ITPR1: variants seen among roughly 807,000 people sequenced by gnomAD.
ITPR1 encodes the protein inositol 1,4,5-trisphosphate receptor type 1.
A neutral mutation model predicts 318.4 loss-of-function variants in ITPR1; 96 were observed. The ratio of observed to expected loss-of-function variants is 0.30; its 90% CI spans 0.26 to 0.36. The LOEUF is 0.36. ITPR1 is among the 10% of genes least tolerant of loss of function. ITPR1 has a pLI of 1.00. For synonymous variants in ITPR1, 1,312 were observed against 1,289.9 expected, an observed-to-expected ratio of 1.02 and a Z score of -0.37; for missense variants, 2,440 against 3,460.2, an observed-to-expected ratio of 0.71 and a Z score of 7.40.
intron 5 of ITPR1, among the ~76,000 whole-genome samples, chr3:4,631,605 A>G (rs2125135011): frequency 6.6e-6 from 1 of 152,196 alleles, no homozygotes; most frequent in Admixed American, 6.5e-5. Context: ...TATGGCATTC[A>G]GGATTGTTGT....
chr3:4,567,443 T>C (rs964234375), intron 4 of ITPR1, among the ~76,000 whole-genome samples: 5 of 152,136 alleles, frequency 3.3e-5, no homozygotes. Context: ...AAAGGAGACA[T>C]GTTGATAATG....
chr3:4,644,299 G>A, intron 8 of ITPR1, 65 bp downstream of exon 8: 1 of 1,039,024 alleles, frequency 9.6e-7, no homozygotes, highest in Non-Finnish European at 1.4e-6. Flanking sequence ...GCAGGCGCCA[G>A]TGCATGCGTG....
intron 59 of ITPR1, among the ~76,000 whole-genome samples, chr3:4,816,629 T>G (rs867480730): frequency 2.6e-5 from 4 of 152,344 alleles, no homozygotes; most frequent in Middle Eastern, 6.8e-3. Context: ...GCTCAGGCAA[T>G]CTGCCCGTTT....
chr3:4,743,747 G>C (rs12496244), intron 44 of ITPR1, among the ~76,000 whole-genome samples: 1 of 152,058 alleles, frequency 6.6e-6, no homozygotes, highest in Non-Finnish European at 1.5e-5. Flanking sequence ...GAGGGGGAAG[G>C]GGGAGGGGAA....
chr3:4,786,089 C>G (rs73003096), intron 51 of ITPR1, among the ~76,000 whole-genome samples: 14,163 of 152,294 alleles, frequency 0.093, 845 homozygotes, highest in Non-Finnish European at 0.14. Context: ...GTCTACTCCT[C>G]CTTTCCCTCC....
Position 4,652,943 on chromosome 3 carries a change from G to A in ITPR1, c.951+725G>A, listed in dbSNP as rs367832370. 2.4e-4 allele frequency among the ~76,000 whole-genome samples: 37 copies of A among 152,096 alleles called. 2 individuals are homozygous for A. Among genetic ancestry groups the A allele is most frequent in the Admixed American group, 2.1e-3 (32 of 15,280 alleles). ...GCAGAGGTTGCAGTGACCCGAGATCGCACCACTGCAGTCCAGCTTGGGTGA... is the reference window on the plus strand; with the variant it reads ...GCAGAGGTTGCAGTGACCCGAGATCACACCACTGCAGTCCAGCTTGGGTGA... On this transcript the variant is annotated intron_variant, in intron 11 of 61. Coordinates refer to ENST00000649015, the MANE Select transcript of ITPR1 (RefSeq NM_001378452.1).
In ITPR1 at chr3:4,806,126, A is replaced by C; in HGVS notation, c.7131A>C (p.Leu2377=). 1 of 1,613,864 alleles carries C rather than the reference A, an allele frequency of 6.2e-7. No individual in the cohort carries two copies. Among genetic ancestry groups the C allele is most frequent in the African/African-American group, 1.3e-5 (1 of 75,036 alleles). ...AFNVCNKIIF[L]MSFVGNCGTF... Reference sequence around the variant, plus strand: ...AGGTATGCAATAAAATCATCTTTCTAATGAGCTTTGTGGGCAACTGTGGGA... The same window carrying C: ...AGGTATGCAATAAAATCATCTTTCTCATGAGCTTTGTGGGCAACTGTGGGA... The change falls in exon 55 of 62, where the codon CTA becomes CTC. Residue 2377 remains leucine, a synonymous_variant. Coordinates refer to ENST00000649015, the MANE Select transcript of ITPR1 (RefSeq NM_001378452.1).
intron 4 of ITPR1, among the ~76,000 whole-genome samples, chr3:4,610,874 TTCCTC>T (rs2092032323): frequency 6.9e-6 from 1 of 144,996 alleles, no homozygotes; most frequent in South Asian, 2.4e-4. Flanking sequence ...TCCCTTTCCT[TTCCTC>T]TCTCTCCCCT....
chr3:4,582,142 T>C lies in ITPR1; in HGVS notation c.164-45621T>C, dbSNP rs536636383. 1.8e-4 allele frequency among the ~76,000 whole-genome samples: 28 copies of C among 152,256 alleles called. No homozygotes were observed. The East Asian group carries it at 3.5e-3, about 19-fold the overall frequency. Reference sequence around the variant, plus strand: ...TCAGTGTTGTTACCAAGAAGTGCATTTGCCAGTCTTATCAAACTGGCATCA... The same window carrying C: ...TCAGTGTTGTTACCAAGAAGTGCATCTGCCAGTCTTATCAAACTGGCATCA... On this transcript the variant is annotated intron_variant, in intron 4 of 61. Transcript: ENST00000649015.
intron 46 of ITPR1, among the ~76,000 whole-genome samples, chr3:4,773,819 C>A (rs898189296): frequency 6.6e-6 from 1 of 152,196 alleles, no homozygotes; most frequent in African/African-American, 2.4e-5. Flanking sequence ...ATCATCTGTT[C>A]TCCCTCCACC....
chr3:4,498,437 G>T (rs1214424040), intron 2 of ITPR1, among the ~76,000 whole-genome samples: 1 of 152,178 alleles, frequency 6.6e-6, no homozygotes, highest in Admixed American at 6.5e-5. Context: ...AAGGCCAGGG[G>T]AGAGTGCTAG....
chr3:4,725,740 C>T (rs372188383), intron 41 of ITPR1, among the ~76,000 whole-genome samples, 159 bp downstream of exon 41: 1 of 152,114 alleles, frequency 6.6e-6, no homozygotes, highest in Admixed American at 6.5e-5. Flanking sequence ...TCATTGCTGA[C>T]GTGGATGTGG....
rs4293683 is a variant in ITPR1, at chr3:4,646,036, T to C, written c.855+308T>C. 0.96 allele frequency: 261,961 copies of C among 271,982 alleles called. 126,682 individuals are homozygous for C. The highest frequency in any genetic ancestry group is 1 in the East Asian group (14,494 of 14,496). 16.8% of individuals were successfully genotyped at this position (271,982 alleles called of 1,614,324 possible). On this transcript the variant is annotated intron_variant, in intron 10 of 61. Transcript: ENST00000649015. Reference sequence around the variant, plus strand: ...AAAGAATAAGTACTTTGGAAACAAATTCAAAAACGAAATTAGAAATAGCTT... The same window carrying C: ...AAAGAATAAGTACTTTGGAAACAAACTCAAAAACGAAATTAGAAATAGCTT...
rs568326937 is a variant in ITPR1 at position 4,847,342 on chromosome 3, T to C, written c.*1117T>C. On this transcript the variant is annotated 3_prime_UTR_variant, in exon 62 of 62. Transcript: ENST00000649015. ...TGAAAAATATGAAAGGAAACTTTTA[T>C]ATCTGTTGCCTAGTTTTGTACATGG... 6.6e-6 allele frequency: 1 copy of C among 151,708 alleles called. No homozygotes were observed. The highest frequency in any genetic ancestry group is 2.1e-4 in the South Asian group (1 of 4,804). The allele number at this position is 151,708 out of a possible 1,614,324, so 9.4% of individuals were successfully genotyped here.
chr3:4,615,049 G>A (rs936401189), intron 4 of ITPR1, among the ~76,000 whole-genome samples: 2 of 152,190 alleles, frequency 1.3e-5, no homozygotes, highest in Non-Finnish European at 2.9e-5. Flanking sequence ...GCTTGGAATG[G>A]GGCCCAGGCA....
At chr3:4,507,925 A>G (rs1273256818) in intron 2 of ITPR1, among the ~76,000 whole-genome samples, 1 of 152,202 alleles carries the variant, frequency 6.6e-6, no homozygotes, top group African/African-American at 2.4e-5. Flanking sequence ...AAGGAGGTTA[A>G]ATGATTACAA....
chr3:4,656,306 T>C (rs1382180098), intron 12 of ITPR1, among the ~76,000 whole-genome samples: 2 of 152,256 alleles, frequency 1.3e-5, no homozygotes, highest in Non-Finnish European at 2.9e-5. Context: ...AGCCTGTAGC[T>C]GAGTCCTGTG....
In ITPR1 at chr3:4,846,185, A is replaced by T; in HGVS notation, c.8237A>T (p.His2746Leu). 1 of 1,570,208 alleles carries T rather than the reference A, an allele frequency of 6.4e-7. No homozygotes were observed. Among genetic ancestry groups the T allele is most frequent in the African/African-American group, 1.4e-5 (1 of 74,032 alleles). Reference sequence around the variant, plus strand: ...AAACAAAGAATTGGTCTTCTAGGACATCCTCCTCACATGAATGTCAACCCA... The same window carrying T: ...AAACAAAGAATTGGTCTTCTAGGACTTCCTCCTCACATGAATGTCAACCCA... ...KQKQRIGLLGHPPHMNVNPQQ... is the reference protein window; with the variant it reads ...KQKQRIGLLGLPPHMNVNPQQ... Residue 2746 changes from histidine to leucine, a missense_variant, in exon 62 of 62, where the codon CAT (histidine) becomes CTT (leucine). This residue lies in a region of ITPR1 where 63 missense variants were observed against 63.4 expected (regional missense o/e 0.99). Coordinates refer to ENST00000649015, the MANE Select transcript of ITPR1 (RefSeq NM_001378452.1).
chr3:4,712,484 C>G (rs1316092666), intron 39 of ITPR1, among the ~76,000 whole-genome samples: 1 of 152,186 alleles, frequency 6.6e-6, no homozygotes, highest in African/African-American at 2.4e-5. Flanking sequence ...CTTTCAGCCC[C>G]CAGCAACAAA....
Sources: gnomAD v4.1 joint callset for allele counts (sites outside exome capture counted in the v4.1 genomes callset) on GRCh38, gnomAD v4.1.1 for gene constraint, gnomAD v4.1.1 regional missense constraint, MANE v1.5 for transcripts, NCBI Gene and HGNC (gene_info 2026-07-23, HGNC 2026-07-21) for gene names.